The following CD6 variants were observed in gnomAD, a reference collection of about 807,000 sequenced individuals.
CD6 encodes the protein CD6 molecule.
Under a neutral mutation model 75.3 loss-of-function variants are expected in CD6, and 53 were observed. That is an observed-to-expected ratio of 0.70 (90% CI 0.56 to 0.88). The LOEUF is 0.88. CD6 is among the 40% of genes least tolerant of loss of function. The pLI is 0.00. For synonymous variants in CD6, 359 were observed against 381.5 expected, an observed-to-expected ratio of 0.94 and a Z score of 0.69; for missense variants, 770 against 897.1, an observed-to-expected ratio of 0.86 and a Z score of 1.81.
intron 1 of CD6, among the ~76,000 whole-genome samples, chr11:60,977,796 C>T (rs1275448032): frequency 6.6e-6 from 1 of 152,086 alleles, no homozygotes; most frequent in Admixed American, 6.6e-5. Context: ...TGCCTGGCTA[C>T]TCTTTCTTAA....
chr11:61,013,114 C>T (rs1220760177), intron 6 of CD6, among the ~76,000 whole-genome samples: 1 of 152,200 alleles, frequency 6.6e-6, no homozygotes, highest in African/African-American at 2.4e-5. Flanking sequence ...AGCGGGTACT[C>T]AATAGTTGTC....
intron 10 of CD6, 63 bp downstream of exon 10, chr11:61,017,613 C>T: frequency 1.3e-6 from 2 of 1,564,260 alleles, no homozygotes; most frequent in Admixed American, 3.4e-5. Flanking sequence ...CTCAGCTCAG[C>T]TTGAGACCTT....
intron 5 of CD6, among the ~76,000 whole-genome samples, chr11:61,010,351 G>C (rs544400439): frequency 1.3e-5 from 2 of 152,278 alleles, no homozygotes; most frequent in African/African-American, 4.8e-5. Context: ...AGATGGCATT[G>C]TTTATGTCAC....
At chr11:60,973,836 A>G (rs759461740) in intron 1 of CD6, among the ~76,000 whole-genome samples, 7 of 152,180 alleles carry the variant, frequency 4.6e-5, no homozygotes, top group Non-Finnish European at 7.3e-5. Context: ...CCAGGGGTGT[A>G]TGTCCTACTG....
Position 61,008,514 on chromosome 11 carries a change from C to A in CD6, c.470-20C>A. 1 of 1,561,654 alleles carries A rather than the reference C, an allele frequency of 6.4e-7. No individual in the cohort carries two copies. Among genetic ancestry groups the A allele is most frequent in the South Asian group, 1.2e-5 (1 of 83,964 alleles). On this transcript the variant is annotated intron_variant, in intron 3 of 12. Coordinates refer to ENST00000313421, the MANE Select transcript of CD6 (RefSeq NM_006725.5). ...TCCTGGTCGGGTGCCCCAGCATCCA[C>A]AACCCCCTCCCACCCCTAGAGAACC...
chr11:60,984,470 C>A (rs1857713971), intron 1 of CD6, among the ~76,000 whole-genome samples: 1 of 152,164 alleles, frequency 6.6e-6, no homozygotes, highest in Non-Finnish European at 1.5e-5. Context: ...ACCTCTCCAC[C>A]TTAGGGCTAG....
At chr11:60,998,449 G>A (rs1858408281) in intron 1 of CD6, among the ~76,000 whole-genome samples, 1 of 152,044 alleles carries the variant, frequency 6.6e-6, no homozygotes. Context: ...GACAAAACGG[G>A]GCCAGAAAGT....
intron 9 of CD6, chr11:61,017,230 C>A: frequency 1.9e-6 from 1 of 529,624 alleles, no homozygotes; most frequent in Non-Finnish European, 3.4e-6. Context: ...GGAGGGACAG[C>A]TGGGGCTGGG....
intron 1 of CD6, among the ~76,000 whole-genome samples, chr11:61,003,190 C>T (rs1858678276): frequency 6.6e-6 from 1 of 152,156 alleles, no homozygotes; most frequent in Non-Finnish European, 1.5e-5. Context: ...GTCTCGGACT[C>T]CTGACCTCAG....
At chr11:61,013,604 A>T (rs921319036) in intron 7 of CD6, 41 bp downstream of exon 7, 12 of 1,605,094 alleles carry the variant, frequency 7.5e-6, no homozygotes, top group Non-Finnish European at 6.8e-6. Flanking sequence ...TCCCAGGGGG[A>T]TGTGAGCCTT....
chr11:60,988,115 G>T (rs1383804711), intron 1 of CD6: 1 of 152,254 alleles, frequency 6.6e-6, no homozygotes, highest in African/African-American at 2.4e-5. Flanking sequence ...TGGAAGTCTG[G>T]CTCCGCCTCT....
chr11:60,973,766 T>A (rs1220810496), intron 1 of CD6, among the ~76,000 whole-genome samples: 2 of 152,106 alleles, frequency 1.3e-5, no homozygotes. Context: ...AGGGAATAAT[T>A]TCCTCACTCT....
intron 1 of CD6, among the ~76,000 whole-genome samples, chr11:60,999,891 A>G (rs1858497649): frequency 6.6e-6 from 1 of 151,866 alleles, no homozygotes; most frequent in Non-Finnish European, 1.5e-5. Context: ...TACTAAAAAT[A>G]TAAATAAAAA....
intron 6 of CD6, among the ~76,000 whole-genome samples, chr11:61,012,217 G>A (rs182135972): frequency 3.3e-4 from 50 of 152,290 alleles, no homozygotes; most frequent in South Asian, 1.0e-3. Flanking sequence ...GCCAGGCCCC[G>A]CAGGCAACCT....
At position 60,972,832 on chromosome 11, in the gene CD6, G is replaced by A. The variant is rs573132233; in HGVS notation, c.49+918G>A. On this transcript the variant is annotated intron_variant, in intron 1 of 12. Coordinates refer to ENST00000313421, the MANE Select transcript of CD6 (RefSeq NM_006725.5). ...TGGTTTGGAGGACTGGGTACATGTC[G>A]CGAGACTCTGGGCAGGGAGTGCTCT... 1.2e-4 allele frequency among the ~76,000 whole-genome samples: 19 copies of A among 152,278 alleles called. No individual in the cohort carries two copies. The South Asian group carries it at 3.3e-3, about 27-fold the overall frequency.
rs750311953 is a variant in CD6 at position 61,009,681 on chromosome 11, G to A, written c.891G>A (p.Ser297=). The A allele has an allele frequency of 1.5e-5, 25 of 1,613,972 alleles. No homozygotes were observed. In the Admixed American group the frequency reaches 2.8e-4, roughly 18 times the overall value. The change falls in exon 5 of 13, where the codon TCG becomes TCA. Residue 297 remains serine, a synonymous_variant. Transcript: ENST00000313421. ...TGTGTGACAGTGAGTGGTACCCATC[G>A]GAGGCCAAGGTGCTCTGCCAGTCCT... ...NTVCDSEWYP[S]EAKVLCQSLG...
intron 1 of CD6, among the ~76,000 whole-genome samples, chr11:60,999,897 A>T (rs963204489): frequency 4.0e-5 from 6 of 151,882 alleles, no homozygotes; most frequent in Middle Eastern, 3.4e-3. Flanking sequence ...AAATATAAAT[A>T]AAAAAATTAG....
chr11:61,003,442 G>A (rs1858692233), intron 1 of CD6, among the ~76,000 whole-genome samples: 1 of 151,962 alleles, frequency 6.6e-6, no homozygotes, highest in Admixed American at 6.6e-5. Context: ...GGCAAAAGTG[G>A]TAACAATGGG....
chr11:60,971,722 G>C lies in CD6; in HGVS notation c.-144G>C. On this transcript the variant is annotated 5_prime_UTR_variant, in exon 1 of 13. Transcript: ENST00000313421. The stretch of plus-strand genomic sequence containing the variant: ...GATCGCATGCGTGTCGGAGAGGAGA[G>C]AGCAGAGAGAGACACAGGAACAAGA... The C allele has an allele frequency of 2.7e-6, 2 of 736,192 alleles. No homozygotes were observed. Among genetic ancestry groups the C allele is most frequent in the South Asian group, 3.2e-5 (2 of 61,576 alleles). The allele number at this position is 736,192 out of a possible 1,614,324, so 45.6% of individuals were successfully genotyped here. A position where few individuals can be genotyped will look rare whatever the true frequency, so the allele number is the denominator to read the frequency against.
Sources: allele counts gnomAD v4.1 joint callset (sites outside exome capture counted in the v4.1 genomes callset), GRCh38; gene constraint gnomAD v4.1.1; transcripts MANE v1.5; gene names NCBI Gene and HGNC (gene_info 2026-07-23, HGNC 2026-07-21).